The following EXT2 variants were observed in gnomAD, a reference collection of about 807,000 sequenced individuals.
EXT2 encodes the protein exostosin glycosyltransferase 2, also known as exostosin-2.
Under a neutral mutation model 81.6 loss-of-function variants are expected in EXT2, and 53 were observed. The ratio of observed to expected loss-of-function variants is 0.65; its 90% confidence interval spans 0.52 to 0.82. The LOEUF is 0.82. EXT2 is among the 40% of genes least tolerant of loss of function. EXT2 has a pLI of 0.00. For synonymous variants in EXT2, 320 were observed against 340.0 expected (o/e 0.94, Z 0.65); for missense variants, 774 against 910.2 (o/e 0.85, Z 1.93).
intron 7 of EXT2, among the ~76,000 whole-genome samples, chr11:44,151,188 G>A (rs907890040): frequency 6.6e-6 from 1 of 152,062 alleles, no homozygotes; most frequent in African/African-American, 2.4e-5. Flanking sequence ...ACTATTTACT[G>A]AACACCATAG....
chr11:44,143,047 G>A (rs572729116), intron 7 of EXT2, among the ~76,000 whole-genome samples: 1 of 152,300 alleles, frequency 6.6e-6, no homozygotes, highest in African/African-American at 2.4e-5. Flanking sequence ...TGCCTCCCAG[G>A]TTCGAGCGAT....
intron 7 of EXT2, among the ~76,000 whole-genome samples, chr11:44,168,839 T>G (rs1955030937): frequency 2.0e-5 from 3 of 152,166 alleles, no homozygotes; most frequent in African/African-American, 4.8e-5. Flanking sequence ...AAATAAATTC[T>G]TCAATTAGCA....
chr11:44,236,012 AAC>A (rs1354860285), intron 12 of EXT2, among the ~76,000 whole-genome samples: 1 of 152,180 alleles, frequency 6.6e-6, no homozygotes, highest in African/African-American at 2.4e-5. Context: ...GCAGTGAGAA[AAC>A]AGTCATTAAA....
At chr11:44,128,968 A>C (rs896888527) in intron 6 of EXT2, among the ~76,000 whole-genome samples, 18 of 152,256 alleles carry the variant, frequency 1.2e-4, no homozygotes, top group Admixed American at 6.5e-5. Flanking sequence ...AGTTGGCAGA[A>C]GTGAGGTTTA....
At position 44,114,956 on chromosome 11, in the gene EXT2, T is replaced by G. The variant is rs536860366; in HGVS notation, c.743+655T>G. ...CATTCTCTACTGTCTGCAGACCTTC[T>G]TCCTCGTCTTCATTAGTCTAACATC... On this transcript the variant is annotated intron_variant, in intron 4 of 13. Transcript: ENST00000533608. Among the ~76,000 whole-genome samples the G allele has an allele frequency of 3.9e-5, 6 of 152,326 alleles. No individual in the cohort carries two copies. In the South Asian group the frequency reaches 8.3e-4, roughly 21 times the overall value.
intron 8 of EXT2, among the ~76,000 whole-genome samples, chr11:44,197,618 A>C (rs1287199396): frequency 1.3e-5 from 2 of 152,160 alleles, no homozygotes; most frequent in Non-Finnish European, 2.9e-5. Flanking sequence ...CAGCTGCAAA[A>C]GTTCTCAGCT....
chr11:44,130,015 G>T (rs748619332), intron 6 of EXT2, 30 bp from the exon 7 acceptor site: 1 of 1,534,630 alleles, frequency 6.5e-7, no homozygotes. Context: ...AGGGCTGTGT[G>T]TATGTAAACT....
At chr11:44,221,007 G>T (rs980253625) in intron 10 of EXT2, among the ~76,000 whole-genome samples, 10 of 152,138 alleles carry the variant, frequency 6.6e-5, no homozygotes, top group African/African-American at 2.4e-4. Flanking sequence ...CAAGAGAGTG[G>T]CACTTTTTTC....
intron 5 of EXT2, among the ~76,000 whole-genome samples, chr11:44,126,219 AT>A (rs1954401440): frequency 1.3e-5 from 2 of 152,094 alleles, no homozygotes; most frequent in Admixed American, 1.3e-4. Flanking sequence ...TGAGGAAGAA[AT>A]TTTTCATTAG....
chr11:44,115,960 T>C (rs1954216755), intron 4 of EXT2: 1 of 152,190 alleles, frequency 6.6e-6, no homozygotes, highest in African/African-American at 2.4e-5. Context: ...TCTTCCTGGA[T>C]TTTTCTCCCT....
At chr11:44,123,058 T>C (rs1954341813) in intron 4 of EXT2, among the ~76,000 whole-genome samples, 1 of 152,240 alleles carries the variant, frequency 6.6e-6, no homozygotes, top group Non-Finnish European at 1.5e-5. Context: ...AAAAGCAGTC[T>C]GGCTGTGGTA....
At chr11:44,202,898 T>C (rs914012121) in intron 9 of EXT2, among the ~76,000 whole-genome samples, 1 of 152,190 alleles carries the variant, frequency 6.6e-6, no homozygotes, top group East Asian at 1.9e-4. Context: ...CTTTCTGTGA[T>C]GTTTTGCTGC....
intron 13 of EXT2, among the ~76,000 whole-genome samples, chr11:44,238,358 T>C (rs147391881): frequency 6.6e-6 from 1 of 152,202 alleles, no homozygotes; most frequent in African/African-American, 2.4e-5. Context: ...GTTCTTAAAT[T>C]TTTTGTAGAG....
rs758577596 is a variant in EXT2, at chr11:44,234,258, C to A, written c.1935+15C>A. The A allele has an allele frequency of 1.2e-6, 2 of 1,612,672 alleles. No individual in the cohort carries two copies. Among genetic ancestry groups the A allele is most frequent in the Admixed American group, 3.3e-5 (2 of 59,888 alleles). On this transcript the variant is annotated intron_variant, in intron 12 of 13. Coordinates refer to ENST00000533608, the MANE Select transcript of EXT2 (RefSeq NM_207122.2). ...CAGTTATCAAGGTAGGAGGCTCTGC[C>A]ACTCACTTGCTTTGTGATCTTGGGC...
intron 9 of EXT2, among the ~76,000 whole-genome samples, chr11:44,205,804 A>G (rs1955575759): frequency 6.6e-6 from 1 of 152,184 alleles, no homozygotes. Flanking sequence ...CAATTACATG[A>G]TGGACTTTTT....
chr11:44,096,262 G>A (rs1023753999), intron 1 of EXT2: 1 of 1,535,970 alleles, frequency 6.5e-7, no homozygotes, highest in Non-Finnish European at 8.7e-7. Context: ...GATGTCCTGC[G>A]CCTCAGGGTC....
chr11:44,142,696 A>G (rs901397151), intron 7 of EXT2, among the ~76,000 whole-genome samples: 1 of 152,172 alleles, frequency 6.6e-6, no homozygotes, highest in Non-Finnish European at 1.5e-5. Context: ...GCTGCAGACT[A>G]TGGTTGAGGG....
chr11:44,189,515 G>A (rs143660219), intron 8 of EXT2, among the ~76,000 whole-genome samples: 11 of 152,294 alleles, frequency 7.2e-5, no homozygotes, highest in South Asian at 2.1e-4. Flanking sequence ...CAATCATGGC[G>A]GAAGGCAAAA....
At chr11:44,104,376 T>C (rs1954025819) in intron 1 of EXT2, among the ~76,000 whole-genome samples, 1 of 151,920 alleles carries the variant, frequency 6.6e-6, no homozygotes, top group Admixed American at 6.6e-5. Context: ...CTATATTGGG[T>C]CACAATATAA....
Sources: allele counts gnomAD v4.1 joint callset (sites outside exome capture counted in the v4.1 genomes callset), GRCh38; gene constraint gnomAD v4.1.1; transcripts MANE v1.5; gene names NCBI Gene and HGNC (gene_info 2026-07-23, HGNC 2026-07-21).